PABPC4: variants seen among roughly 807,000 people sequenced by gnomAD.
PABPC4 encodes the protein polyadenylate-binding protein 4.
In PABPC4, 15 loss-of-function variants were observed where a neutral mutation model predicts 74.5. The observed-to-expected ratio is 0.20, with a 90% CI of 0.13 to 0.31. The LOEUF is 0.31. Ranked by LOEUF, PABPC4 falls within the 10% of genes least tolerant of loss-of-function variation. The pLI, the probability that PABPC4 is intolerant of heterozygous loss-of-function variation, is 1.00. For synonymous variants in PABPC4, 345 were observed against 303.0 expected, an observed-to-expected ratio of 1.14 and a Z score of -1.44; for missense variants, 610 against 853.5, an observed-to-expected ratio of 0.71 and a Z score of 3.55.
intron 7 of PABPC4, chr1:39,567,479 G>C (rs758406707): frequency 3.4e-6 from 2 of 585,118 alleles, no homozygotes; most frequent in African/African-American, 1.8e-5. Flanking sequence ...ACCGGCACGA[G>C]GCAGCAAGGA....
In PABPC4 at chr1:39,576,094, G is replaced by A. The variant is rs1457960580; in HGVS notation, c.-143C>T. On this transcript the variant is annotated 5_prime_UTR_variant, in exon 1 of 16. Coordinates refer to ENST00000372858, the MANE Select transcript of PABPC4 (RefSeq NM_001135653.2). ...GCGGCGAGGACGAGCTGGAGTCGGC[G>A]GGCTTGGAGACGGGACGGAAACGGG... The A allele has an allele frequency of 3.5e-6, 2 of 566,822 alleles. No individual in the cohort carries two copies. Among genetic ancestry groups the A allele is most frequent in the South Asian group, 2.4e-5 (1 of 41,756 alleles). 35.1% of individuals were successfully genotyped at this position (566,822 alleles called of 1,614,324 possible). A position where few individuals can be genotyped will look rare whatever the true frequency, so the allele number is the denominator to read the frequency against.
At chr1:39,565,827 CCAAAACAAAACAAAA>C (rs60293495) in intron 7 of PABPC4, among the ~76,000 whole-genome samples, 2,182 of 148,282 alleles carry the variant, frequency 0.015, 40 homozygotes, top group African/African-American at 0.052. Context: ...GACTCCATCT[CCAAAACAAAACAAAA>C]CAAAACAAAA....
chr1:39,576,249 G>A lies in PABPC4; in HGVS notation c.-298C>T, dbSNP rs991710714. ...CTCCAAATTTCAAAAAATCAAAGTA[G>A]GAAAAAAATTAAACGGGGAATCCCC... On this transcript the variant is annotated 5_prime_UTR_variant, in exon 1 of 16. Transcript: ENST00000372858. 5 of 321,916 alleles carry A rather than the reference G, an allele frequency of 1.6e-5. No homozygotes were observed. The highest frequency in any genetic ancestry group is 2.8e-5 in the Non-Finnish European group (5 of 177,314). The allele number at this position is 321,916 out of a possible 1,614,324, so 19.9% of individuals were successfully genotyped here. A position where few individuals can be genotyped will look rare whatever the true frequency, so the allele number is the denominator to read the frequency against.
Position 39,561,113 on chromosome 1 carries a change from C to T in PABPC4, c.*23G>A, listed in dbSNP as rs1228589539. ...TTGAATTCCATAAGGGGTTATTTGG[C>T]TTTTGAATCCTGTAAAGAAAAGCAC... On this transcript the variant is annotated 3_prime_UTR_variant, in exon 16 of 16. Coordinates refer to ENST00000372858, the MANE Select transcript of PABPC4 (RefSeq NM_001135653.2). 4.3e-6 allele frequency: 2 copies of T among 470,576 alleles called. No homozygotes were observed. The highest frequency in any genetic ancestry group is 4.0e-5 in the African/African-American group (2 of 50,174). 29.2% of individuals were successfully genotyped at this position (470,576 alleles called of 1,614,324 possible).
chr1:39,564,510 A>C lies in PABPC4; in HGVS notation c.1366T>G (p.Ser456Ala), dbSNP rs182692053. The C allele has an allele frequency of 6.2e-7, 1 of 1,614,244 alleles. No homozygotes were observed. Among genetic ancestry groups the C allele is most frequent in the East Asian group, 2.2e-5 (1 of 44,886 alleles). ...FQGMPSAIRQ[S>A]GPRPTLRHLA... ...TGGCGAAGAGTTGGACGAGGCCCAG[A>C]CTGGCGTATAGCACTTGGCATTCCT... is the stretch of plus-strand genomic sequence containing the variant. Residue 456 changes from serine (S) to alanine (A), a missense_variant, in exon 10 of 16, where the codon TCT becomes GCT. By Grantham distance (99) the Ser-to-Ala change is moderately conservative. Around this residue, in one of 4 missense-constraint regions of PABPC4, gnomAD observed 277 missense variants for 301.8 expected, o/e 0.92. Transcript: ENST00000372858.
intron 7 of PABPC4, among the ~76,000 whole-genome samples, chr1:39,566,285 A>G (rs963342582): frequency 1.3e-5 from 2 of 152,218 alleles, no homozygotes; most frequent in Admixed American, 6.5e-5. Flanking sequence ...ACGTCAGGAT[A>G]ACACTTTTGG....
rs1467455183 is a variant in PABPC4 at position 39,569,979 on chromosome 1, C to T, written c.527G>A (p.Arg176His). 1 of 1,613,866 alleles carries T rather than the reference C, an allele frequency of 6.2e-7. No homozygotes were observed. Among genetic ancestry groups the T allele is most frequent in the Non-Finnish European group, 8.5e-7 (1 of 1,179,968 alleles). ...RKVFVGRFKS[R>H]KEREAELGAK... ...TCCAAGCTCAGCTTCCCGCTCTTTG[C>T]GAGACTTGAATCTGCCCACAAATCT... Residue 176 changes from arginine (R) to histidine (H), a missense_variant, in exon 4 of 16, where the codon CGC becomes CAC. Physicochemically the swap from Arg to His is conservative, Grantham distance 29. This residue lies in a region of PABPC4 where 304 missense variants were observed against 478.9 expected (regional missense o/e 0.63). Coordinates refer to ENST00000372858, the MANE Select transcript of PABPC4 (RefSeq NM_001135653.2).
chr1:39,571,104 G>A, intron 3 of PABPC4, 130 bp downstream of exon 3: 1 of 1,553,000 alleles, frequency 6.4e-7, no homozygotes, highest in Non-Finnish European at 8.7e-7. Context: ...CACCAGCCCT[G>A]GAGTGGAGAG....
rs1434261750 is a variant in PABPC4, at chr1:39,562,182, A to G, written c.1784T>C (p.Ile595Thr). Residue 595 changes from isoleucine (I) to threonine (T), a missense_variant, in exon 14 of 16, where the codon ATC (isoleucine) becomes ACC (threonine). Ile to Thr is a moderately conservative substitution (Grantham distance 89). Around this residue, in one of 4 missense-constraint regions of PABPC4, gnomAD observed 277 missense variants for 301.8 expected, o/e 0.92. Coordinates refer to ENST00000372858, the MANE Select transcript of PABPC4 (RefSeq NM_001135653.2). ...QMLGERLFPLIQTMHSNLAGK... is the reference protein window; with the variant it reads ...QMLGERLFPLTQTMHSNLAGK... ...AGCCAGATTTGAATGCATTGTTTGG[A>G]TGAGTGGGAACAAGCGTTCTCCTAT... The G allele has an allele frequency of 1.2e-6, 2 of 1,614,170 alleles. No individual in the cohort carries two copies. Among genetic ancestry groups the G allele is most frequent in the Non-Finnish European group, 1.7e-6 (2 of 1,180,014 alleles).
chr1:39,563,430 G>A, intron 12 of PABPC4, 184 bp downstream of exon 12: 1 of 697,858 alleles, frequency 1.4e-6, no homozygotes, highest in East Asian at 2.9e-5. Context: ...ATCAGGCAGA[G>A]CACTTTTAAG....
At position 39,564,756 on chromosome 1, in the gene PABPC4, T is replaced by C. The variant is rs535539005; in HGVS notation, c.1263A>G (p.Pro421=). ...PAVPQAQGRP[P]YYTPNQLAQM... ...GTGCTAACTGGTTAGGTGTATAATATGGAGGCCTTCCCTGAGCCTGTAAGA... is the reference window on the plus strand; with the variant it reads ...GTGCTAACTGGTTAGGTGTATAATACGGAGGCCTTCCCTGAGCCTGTAAGA... Residue 421 remains proline, a synonymous_variant, in exon 9 of 16, where the codon CCA becomes CCG. Transcript: ENST00000372858. 1.2e-5 allele frequency: 19 copies of C among 1,613,970 alleles called. No homozygotes were observed. The highest frequency in any genetic ancestry group is 1.1e-4 in the South Asian group (10 of 91,072).
chr1:39,565,163 G>A lies in PABPC4; in HGVS notation c.1188C>T (p.Ala396=), dbSNP rs371616963. The change falls in exon 8 of 16, where the codon GCC becomes GCT. Residue 396 remains alanine (A), a synonymous_variant. Coordinates refer to ENST00000372858, the MANE Select transcript of PABPC4 (RefSeq NM_001135653.2). ...VAGMRALPAN[A]ILNQFQPAAG... The stretch of plus-strand genomic sequence containing the variant: ...CTGCAGGCTGGAACTGATTTAAGAT[G>A]GCATTGGCAGGAAGTGCTCTCATTC... The A allele has an allele frequency of 3.1e-6, 5 of 1,614,042 alleles. No homozygotes were observed. The African/African-American group carries it at 6.7e-5, about 22-fold the overall frequency.
Position 39,575,832 on chromosome 1 carries a change from G to T in PABPC4, c.120C>A (p.Ile40=). The T allele has an allele frequency of 6.2e-7, 1 of 1,612,056 alleles. No individual in the cohort carries two copies. Among genetic ancestry groups the T allele is most frequent in the Non-Finnish European group, 8.5e-7 (1 of 1,179,486 alleles). The part of the protein sequence containing the change: ...KFSPAGPVLS[I]RVCRDMITRR... ...GGGTGATCATATCGCGGCAGACCCG[G>T]ATGGACAGCACAGGCCCCGCGGGGC... Residue 40 remains isoleucine (I), a synonymous_variant, in exon 1 of 16, where the codon ATC becomes ATA. Transcript: ENST00000372858.
Position 39,562,089 on chromosome 1 carries a change from T to G in PABPC4, c.1877A>C (p.Glu626Ala). 1 of 1,613,070 alleles carries G rather than the reference T, an allele frequency of 6.2e-7. No individual in the cohort carries two copies. The highest frequency in any genetic ancestry group is 8.5e-7 in the Non-Finnish European group (1 of 1,179,992). The part of the protein sequence containing the change: ...SELLHMLESP[E>A]SLRSKVDEAV... Reference sequence around the variant, plus strand: ...CCAGCTCACCTTGGAGCGGAGAGACTCGGGGGACTCTAACATGTGCAGCAG... The same window carrying G: ...CCAGCTCACCTTGGAGCGGAGAGACGCGGGGGACTCTAACATGTGCAGCAG... Residue 626 changes from glutamate to alanine, a missense_variant, in exon 14 of 16, where the codon GAG becomes GCG. Glu to Ala is a moderately radical substitution (Grantham distance 107, BLOSUM62 -1). Transcript: ENST00000372858.
At chr1:39,568,704 ACT>A in intron 6 of PABPC4, 96 bp downstream of exon 6, 9 of 1,122,592 alleles carry the variant, frequency 8.0e-6, no homozygotes, top group Non-Finnish European at 1.2e-5. Context: ...AGAAGAACAC[ACT>A]CCAAGTCCTC....
chr1:39,561,721 C>T lies in PABPC4; in HGVS notation c.1960G>A (p.Ala654Thr), dbSNP rs750022419. 3.1e-6 allele frequency: 5 copies of T among 1,613,066 alleles called. No individual in the cohort carries two copies. The highest frequency in any genetic ancestry group is 1.8e-4 in the Middle Eastern group (1 of 5,662). Residue 654 changes from alanine (A) to threonine (T), a missense_variant, in exon 15 of 16, where the codon GCT becomes ACT. Physicochemically the swap from Ala to Thr is moderately conservative, Grantham distance 58. This residue lies in a region of PABPC4 where 29 missense variants were observed against 51.6 expected (regional missense o/e 0.56). Transcript: ENST00000372858. ...AKKEAAQKVG[A>T]VAAATS ...GTCTAAGAGGTAGCAGCAGCAACAG[C>T]GCCCACCTTCTGGGCAGCTTCTTTC... is the stretch of plus-strand genomic sequence containing the variant.
chr1:39,565,806 C>T (rs1346635890), intron 7 of PABPC4, among the ~76,000 whole-genome samples: 5 of 151,750 alleles, frequency 3.3e-5, no homozygotes, highest in African/African-American at 7.3e-5. Context: ...CCAGCCTGGG[C>T]GACAGAGCGA....
Position 39,568,880 on chromosome 1 carries a change from T to C in PABPC4, c.798A>G (p.Ala266=), listed in dbSNP as rs775311212. ...CTGCCTGCCGTTCTACTTTCTTTTG[T>C]GCACGGCCTACAAATATGATTTTAC... The part of the protein sequence containing the change: ...ISGKIIFVGR[A]QKKVERQAEL... The change falls in exon 6 of 16, where the codon GCA becomes GCG. Residue 266 remains alanine (A), a synonymous_variant. Coordinates refer to ENST00000372858, the MANE Select transcript of PABPC4 (RefSeq NM_001135653.2). 13 of 1,614,012 alleles carry C rather than the reference T, an allele frequency of 8.1e-6. No individual in the cohort carries two copies. The African/African-American group carries it at 1.7e-4, about 22-fold the overall frequency.
In PABPC4 at chr1:39,564,778, A is replaced by G. The variant is rs1422274178; in HGVS notation, c.1246-5T>C. On this transcript the variant is annotated splice_region_variant and splice_polypyrimidine_tract_variant and intron_variant, in intron 8 of 15. Transcript: ENST00000372858. ...ATATGGAGGCCTTCCCTGAGCCTGT[A>G]AGACAGAAGAATACCCAAACACCCC... 1.2e-6 allele frequency: 2 copies of G among 1,609,414 alleles called. No individual in the cohort carries two copies. The highest frequency in any genetic ancestry group is 1.7e-6 in the Non-Finnish European group (2 of 1,175,848).
Sources: allele counts gnomAD v4.1 joint callset (sites outside exome capture counted in the v4.1 genomes callset), GRCh38; gene constraint gnomAD v4.1.1; regional missense constraint gnomAD v4.1.1; transcripts MANE v1.5; gene names NCBI Gene and HGNC (gene_info 2026-07-23, HGNC 2026-07-21).